VPS13B: variants seen among roughly 807,000 people sequenced by gnomAD.
VPS13B encodes vacuolar protein sorting 13 homolog B.
VPS13B carries 285 observed loss-of-function variants against 426.4 expected under a neutral mutation model. The observed-to-expected ratio is 0.67, with a 90% CI of 0.61 to 0.74. The LOEUF (loss-of-function observed/expected upper bound fraction) is 0.74. VPS13B is among the 30% of genes least tolerant of loss of function. The probability of loss-of-function intolerance (pLI) is 0.00; values close to 1 mark genes in which losing one functional copy is unlikely to be tolerated. For synonymous variants in VPS13B, 1,676 were observed against 1,676.4 expected (o/e 1.00, Z 0.01); for missense variants, 4,537 against 4,782.6 (o/e 0.95, Z 1.51).
intron 36 of VPS13B, among the ~76,000 whole-genome samples, chr8:99,714,259 T>G (rs2130296027): frequency 6.6e-6 from 1 of 152,180 alleles, no homozygotes; most frequent in South Asian, 2.1e-4. Flanking sequence ...TAGTATTGGA[T>G]TATAACCCAT....
chr8:99,859,499 T>C lies in VPS13B; in HGVS notation c.11044+19T>C. Reference sequence around the variant, plus strand: ...TCCAAAGGTAGCGGGTTCCGTTCCTTGTAATAATGCCTTCACTCCTTCCCT... The same window carrying C: ...TCCAAAGGTAGCGGGTTCCGTTCCTCGTAATAATGCCTTCACTCCTTCCCT... On this transcript the variant is annotated intron_variant, in intron 57 of 61. Transcript: ENST00000357162. 1 of 1,612,360 alleles carries C rather than the reference T, an allele frequency of 6.2e-7. No homozygotes were observed. Among genetic ancestry groups the C allele is most frequent in the Non-Finnish European group, 8.5e-7 (1 of 1,179,938 alleles).
At chr8:99,108,445 A>AT (rs1294285436) in intron 5 of VPS13B, among the ~76,000 whole-genome samples, 1 of 152,172 alleles carries the variant, frequency 6.6e-6, no homozygotes, top group African/African-American at 2.4e-5. Flanking sequence ...TCTCGAGTTG[A>AT]TTTTTTTAAA....
chr8:99,191,814 T>C (rs1813611516), intron 16 of VPS13B, among the ~76,000 whole-genome samples: 2 of 152,176 alleles, frequency 1.3e-5, no homozygotes, highest in South Asian at 2.1e-4. Flanking sequence ...GCAAAGTAGT[T>C]TGCTGGTGTC....
chr8:99,700,662 C>A (rs1026603971), intron 36 of VPS13B, among the ~76,000 whole-genome samples: 9 of 152,174 alleles, frequency 5.9e-5, no homozygotes, highest in African/African-American at 2.2e-4. Flanking sequence ...AATCAACTGG[C>A]AGTGACATCT....
intron 19 of VPS13B, among the ~76,000 whole-genome samples, chr8:99,314,795 G>A (rs1012331522): frequency 3.3e-5 from 5 of 152,156 alleles, no homozygotes; most frequent in African/African-American, 9.7e-5. Flanking sequence ...ATATATCTGG[G>A]TGCTTGGTGT....
chr8:99,319,396 G>A (rs1170090968), intron 19 of VPS13B, among the ~76,000 whole-genome samples: 2 of 152,174 alleles, frequency 1.3e-5, no homozygotes, highest in Non-Finnish European at 2.9e-5. Flanking sequence ...TATTAAAAGT[G>A]GGTGAAAACT....
chr8:99,068,702 G>A (rs2132325958), intron 3 of VPS13B, among the ~76,000 whole-genome samples: 1 of 152,242 alleles, frequency 6.6e-6, no homozygotes, highest in East Asian at 1.9e-4. Flanking sequence ...CACATCTTAG[G>A]TGGCAGCAGG....
chr8:99,311,237 C>T (rs190126893), intron 19 of VPS13B, among the ~76,000 whole-genome samples: 6 of 152,042 alleles, frequency 3.9e-5, no homozygotes, highest in Non-Finnish European at 7.4e-5. Context: ...GCTCTTGCTT[C>T]TCTAGTTCTT....
intron 31 of VPS13B, among the ~76,000 whole-genome samples, chr8:99,574,673 A>C (rs764843284): frequency 6.6e-6 from 1 of 152,210 alleles, no homozygotes; most frequent in Non-Finnish European, 1.5e-5. Context: ...GGAATACATA[A>C]AGAAGAACTA....
At chr8:99,305,505 C>T (rs1450186571) in intron 19 of VPS13B, among the ~76,000 whole-genome samples, 5 of 152,094 alleles carry the variant, frequency 3.3e-5, no homozygotes, top group Non-Finnish European at 5.9e-5. Context: ...GGCTGCTAGA[C>T]CCAATCCCCC....
intron 19 of VPS13B, among the ~76,000 whole-genome samples, chr8:99,381,623 T>C (rs1365236752): frequency 1.3e-5 from 2 of 152,190 alleles, no homozygotes; most frequent in Non-Finnish European, 2.9e-5. Context: ...TGGCATCTCA[T>C]TGTGGTTTTG....
intron 39 of VPS13B, among the ~76,000 whole-genome samples, chr8:99,759,515 A>G (rs1810814165): frequency 6.6e-6 from 1 of 151,938 alleles, no homozygotes; most frequent in Non-Finnish European, 1.5e-5. Flanking sequence ...TCCACTATAC[A>G]CTCCTGACAA....
intron 31 of VPS13B, among the ~76,000 whole-genome samples, chr8:99,561,196 C>A (rs1368407633): frequency 6.6e-6 from 1 of 152,180 alleles, no homozygotes; most frequent in African/African-American, 2.4e-5. Flanking sequence ...ATCTTTCTCC[C>A]TCTTTCCAGT....
At chr8:99,692,007 T>C (rs1831692730) in intron 35 of VPS13B, among the ~76,000 whole-genome samples, 1 of 151,806 alleles carries the variant, frequency 6.6e-6, no homozygotes, top group Admixed American at 6.6e-5. Context: ...CCTAAATATA[T>C]ATGCACCCAA....
intron 51 of VPS13B, among the ~76,000 whole-genome samples, chr8:99,825,217 C>T (rs577631425): frequency 2.4e-4 from 37 of 152,318 alleles, no homozygotes; most frequent in African/African-American, 8.4e-4. Context: ...TCCTATTTCT[C>T]CACATCCTCT....
chr8:99,723,547 A>G (rs531698960), intron 39 of VPS13B, among the ~76,000 whole-genome samples: 2 of 152,230 alleles, frequency 1.3e-5, no homozygotes, highest in South Asian at 4.1e-4. Flanking sequence ...TACTCAACAG[A>G]TATTATGATG....
chr8:99,303,313 A>G (rs1820468682), intron 19 of VPS13B, among the ~76,000 whole-genome samples: 1 of 150,978 alleles, frequency 6.6e-6, no homozygotes, highest in Non-Finnish European at 1.5e-5. Context: ...GAACTGAAAC[A>G]TTGTTTTGCA....
chr8:99,640,259 C>G, intron 33 of VPS13B, among the ~76,000 whole-genome samples: 1 of 151,650 alleles, frequency 6.6e-6, no homozygotes, highest in South Asian at 2.1e-4. Flanking sequence ...AATAATTCCA[C>G]TTTTTAAAAA....
rs981552644 is a variant in VPS13B, at chr8:99,868,206, G to A, written c.11216-83G>A. The A allele has an allele frequency of 5.1e-6, 8 of 1,576,002 alleles. No individual in the cohort carries two copies. The African/African-American group carries it at 1.1e-4, about 21-fold the overall frequency. ...AGGGTGGGGACTCATTTTCAATCCA[G>A]ATAAAACTGTGTTCCAGATGGAGCC... On this transcript the variant is annotated intron_variant, in intron 58 of 61. Coordinates refer to ENST00000357162, the MANE Select transcript of VPS13B (RefSeq NM_152564.5).
Sources: gnomAD v4.1 joint callset for allele counts (sites outside exome capture counted in the v4.1 genomes callset) on GRCh38, gnomAD v4.1.1 for gene constraint, MANE v1.5 for transcripts, NCBI Gene and HGNC (gene_info 2026-07-23, HGNC 2026-07-21) for gene names.